Variants in IL36B observed in about 807,000 individuals in gnomAD.
IL36B encodes the protein interleukin 36 beta.
IL36B carries 23 observed loss-of-function variants against 19.3 expected under a neutral mutation model. The ratio of observed to expected loss-of-function variants is 1.19; its 90% CI spans 0.86 to 1.69. The LOEUF is 1.69. Ranked by LOEUF, IL36B falls within the 40% of genes most tolerant of loss-of-function variation. IL36B has a pLI of 0.00. For missense variants in IL36B, 217 were observed against 200.5 expected (o/e 1.08, Z -0.50); for synonymous variants, 59 against 59.7 (o/e 0.99, Z 0.05).
chr2:113,031,199 A>G, intron 2 of IL36B, 44 bp from the exon 3 acceptor site: 1 of 1,312,384 alleles, frequency 7.6e-7, no homozygotes, highest in Non-Finnish European at 1.1e-6. Context: ...GAGGTTATCA[A>G]CTTCAGGACT....
At chr2:113,027,822 A>G (rs1347857739) in intron 4 of IL36B, 32 of 1,555,250 alleles carry the variant, frequency 2.1e-5, no homozygotes. Context: ...TAGTGAACTC[A>G]GTCGCATAAT....
intron 1 of IL36B, among the ~76,000 whole-genome samples, chr2:113,032,338 C>T (rs1262114016): frequency 1.3e-5 from 2 of 152,128 alleles, no homozygotes; most frequent in Admixed American, 6.5e-5. Flanking sequence ...CTGAGGGCCC[C>T]ACAAGGTGCT....
At chr2:113,042,940 T>C (rs1461717677) in intron 1 of IL36B, among the ~76,000 whole-genome samples, 1 of 152,190 alleles carries the variant, frequency 6.6e-6, no homozygotes, top group South Asian at 2.1e-4. Context: ...AGACTTGGTA[T>C]AGCTAGTCTT....
At chr2:113,032,697 G>A (rs945568215) in intron 1 of IL36B, among the ~76,000 whole-genome samples, 12 of 152,312 alleles carry the variant, frequency 7.9e-5, no homozygotes, top group African/African-American at 2.9e-4. Context: ...TCAAAGTCAA[G>A]GCTCTAGTTG....
At chr2:113,050,160 G>A (rs372948092) in intron 1 of IL36B, among the ~76,000 whole-genome samples, 2 of 152,178 alleles carry the variant, frequency 1.3e-5, no homozygotes, top group South Asian at 4.1e-4. Flanking sequence ...GAACACCCAT[G>A]TTCATAGCAG....
At chr2:113,032,122 C>CGTGT (rs1164530934) in intron 1 of IL36B, among the ~76,000 whole-genome samples, 4 of 115,946 alleles carry the variant, frequency 3.4e-5, no homozygotes, top group South Asian at 3.5e-4. Context: ...AGACAGAGTG[C>CGTGT]GTGTGTGTGT....
chr2:113,032,525 T>C (rs529056619), intron 1 of IL36B, among the ~76,000 whole-genome samples: 123 of 152,312 alleles, frequency 8.1e-4, no homozygotes, highest in African/African-American at 2.5e-3. Flanking sequence ...ATCACCAACC[T>C]GCACCCTTGT....
Position 113,038,209 on chromosome 2 carries a change from T to A in IL36B, c.-57-6443A>T, listed in dbSNP as rs36026956. 1.8e-3 allele frequency among the ~76,000 whole-genome samples: 280 copies of A among 152,284 alleles called. 1 individual carries two copies. The highest frequency in any genetic ancestry group is 6.4e-3 in the African/African-American group (267 of 41,560). The stretch of plus-strand genomic sequence containing the variant: ...TTCACTTTCCAGACAGGGATGATGC[T>A]TTTCTTCTTGCTACAAGTTGTTGAA... On this transcript the variant is annotated intron_variant, in intron 1 of 5. Transcript: ENST00000259213.
chr2:113,023,350 A>C (rs753378234), intron 5 of IL36B, among the ~76,000 whole-genome samples: 3 of 152,250 alleles, frequency 2.0e-5, no homozygotes, highest in Non-Finnish European at 2.9e-5. Flanking sequence ...TTCAAACTAC[A>C]TGGTGAGTTT....
intron 5 of IL36B, among the ~76,000 whole-genome samples, chr2:113,023,675 A>G (rs1684902234): frequency 2.0e-5 from 3 of 152,218 alleles, no homozygotes. Flanking sequence ...GTTTCCATGT[A>G]GTTTATTCAC....
chr2:113,022,458 A>AGG lies in IL36B; in HGVS notation c.*215_*216insCC, dbSNP rs1442391778. On this transcript the variant is annotated 3_prime_UTR_variant, in exon 6 of 6. Transcript: ENST00000259213. ...ACTGGACAAAACACATTTACAGGTT[A>AGG]TGTAGTCCAAATCTACTCCTAAAAA... The AGG allele has an allele frequency of 4.4e-6, 2 of 459,330 alleles. No individual in the cohort carries two copies. The highest frequency in any genetic ancestry group is 4.0e-5 in the African/African-American group (2 of 49,862). 28.5% of individuals were successfully genotyped at this position (459,330 alleles called of 1,614,324 possible).
chr2:113,027,739 G>T, intron 4 of IL36B: 1 of 1,444,758 alleles, frequency 6.9e-7, no homozygotes, highest in Non-Finnish European at 9.1e-7. Context: ...TCTTGGTACA[G>T]AAATGGATGT....
chr2:113,032,368 T>G (rs2105045489), intron 1 of IL36B, among the ~76,000 whole-genome samples: 1 of 152,330 alleles, frequency 6.6e-6, no homozygotes, highest in Middle Eastern at 3.4e-3. Context: ...AGGGATCATC[T>G]GCCTCTGGTT....
intron 4 of IL36B, chr2:113,027,709 T>C: frequency 3.5e-6 from 5 of 1,420,634 alleles, no homozygotes; most frequent in Non-Finnish European, 3.7e-6. Flanking sequence ...CATCTTGGGA[T>C]AGTGACATTC....
At position 113,022,560 on chromosome 2, in the gene IL36B, T is replaced by C; in HGVS notation, c.*114A>G. On this transcript the variant is annotated 3_prime_UTR_variant, in exon 6 of 6. Transcript: ENST00000259213. Reference sequence around the variant, plus strand: ...TACATAGTGTCCTTGTTTTACAAACTCTCCAGAACCCAAGAAAAGAGAAAA... The same window carrying C: ...TACATAGTGTCCTTGTTTTACAAACCCTCCAGAACCCAAGAAAAGAGAAAA... 1.5e-6 allele frequency: 1 copy of C among 653,046 alleles called. No individual in the cohort carries two copies. The highest frequency in any genetic ancestry group is 2.7e-6 in the Non-Finnish European group (1 of 368,252). The allele number at this position is 653,046 out of a possible 1,614,324, so 40.5% of individuals were successfully genotyped here. A position where few individuals can be genotyped will look rare whatever the true frequency, so the allele number is the denominator to read the frequency against.
chr2:113,050,087 C>T (rs929707748), intron 1 of IL36B, among the ~76,000 whole-genome samples: 2 of 152,178 alleles, frequency 1.3e-5, no homozygotes, highest in South Asian at 4.1e-4. Flanking sequence ...TCCATATGAT[C>T]CAGGAGTTCC....
chr2:113,025,932 G>A (rs149668882), intron 5 of IL36B, among the ~76,000 whole-genome samples: 7 of 152,290 alleles, frequency 4.6e-5, no homozygotes, highest in African/African-American at 1.7e-4. Context: ...AAGGGACTGG[G>A]GAAATTGAAA....
At chr2:113,042,472 A>G (rs4849144) in intron 1 of IL36B, among the ~76,000 whole-genome samples, 114,724 of 152,106 alleles carry the variant, frequency 0.75, 43,721 homozygotes, top group East Asian at 0.94. Flanking sequence ...GTCTCCTGGA[A>G]TCTGTCCTTC....
intron 5 of IL36B, chr2:113,022,819 G>A: frequency 1.5e-6 from 2 of 1,337,064 alleles, no homozygotes; most frequent in Non-Finnish European, 1.1e-6. Flanking sequence ...AGCAAGATGT[G>A]GACATTTGCT....
Sources: gnomAD v4.1 joint callset for allele counts (sites outside exome capture counted in the v4.1 genomes callset) on GRCh38, gnomAD v4.1.1 for gene constraint, MANE v1.5 for transcripts, NCBI Gene and HGNC (gene_info 2026-07-23, HGNC 2026-07-21) for gene names.